RARS2: variants seen among roughly 807,000 people sequenced by gnomAD.
RARS2 encodes the protein probable arginine--tRNA ligase, mitochondrial.
In RARS2, 67 loss-of-function variants were observed where a neutral mutation model predicts 88.5. That is an observed-to-expected ratio of 0.76 (90% CI 0.62 to 0.93). The LOEUF (loss-of-function observed/expected upper bound fraction) is 0.93, where lower values mean the gene tolerates loss of function less well. RARS2 is among the 40% of genes least tolerant of loss of function. RARS2 has a pLI of 0.00. For missense variants in RARS2, 664 were observed against 684.2 expected (o/e 0.97, Z 0.33); for synonymous variants, 239 against 230.3 (o/e 1.04, Z -0.34).
chr6:87,528,327 A>G (rs2128052668), intron 10 of RARS2, among the ~76,000 whole-genome samples: 1 of 152,256 alleles, frequency 6.6e-6, no homozygotes, highest in East Asian at 1.9e-4. Context: ...ATGTTGGTAT[A>G]GCCATTATGG....
At chr6:87,552,767 T>G (rs900260729) in intron 5 of RARS2, among the ~76,000 whole-genome samples, 3 of 151,254 alleles carry the variant, frequency 2.0e-5, no homozygotes, top group Non-Finnish European at 4.4e-5. Flanking sequence ...AAAAAAAAAA[T>G]GCAAAAGAAG....
At chr6:87,562,371 A>G (rs1485050933) in intron 4 of RARS2, among the ~76,000 whole-genome samples, 1 of 152,244 alleles carries the variant, frequency 6.6e-6, no homozygotes, top group East Asian at 1.9e-4. Flanking sequence ...AAATATATCT[A>G]AACACAGAAA....
Position 87,554,871 on chromosome 6 carries a change from G to C in RARS2, c.395+537C>G, listed in dbSNP as rs1336088128. 3.3e-5 allele frequency among the ~76,000 whole-genome samples: 5 copies of C among 152,116 alleles called. No homozygotes were observed. In the East Asian group the frequency reaches 9.6e-4, roughly 29 times the overall value. Reference sequence around the variant, plus strand: ...ATCCCAGCACTTTTTGGGAGGCTGAGATGGGCAGATCACGAGGTCAGGAGA... The same window carrying C: ...ATCCCAGCACTTTTTGGGAGGCTGACATGGGCAGATCACGAGGTCAGGAGA... On this transcript the variant is annotated intron_variant, in intron 5 of 19. Transcript: ENST00000369536.
chr6:87,536,939 A>C (rs1192498539), intron 8 of RARS2, among the ~76,000 whole-genome samples: 1 of 152,238 alleles, frequency 6.6e-6, no homozygotes, highest in Non-Finnish European at 1.5e-5. Context: ...ATGGGAAAAG[A>C]ATGCTATAAG....
intron 5 of RARS2, among the ~76,000 whole-genome samples, chr6:87,550,305 G>C (rs1454847633): frequency 6.6e-6 from 1 of 152,204 alleles, no homozygotes; most frequent in Non-Finnish European, 1.5e-5. Context: ...TGTGATGTCT[G>C]AGAGAAGAGC....
At position 87,520,209 on chromosome 6, in the gene RARS2, C is replaced by T; in HGVS notation, c.1083G>A (p.Leu361=). Reference sequence around the variant, plus strand: ...CTGCCCAGTCATATCCCATGATCTTCAGCATTTGGAATACTTGCTGAAAAT... The same window carrying T: ...CTGCCCAGTCATATCCCATGATCTTTAGCATTTGGAATACTTGCTGAAAAT... The part of the protein sequence containing the change: ...KKHFQQVFQM[L]KIMGYDWAER... The change falls in exon 13 of 20, where the codon CTG becomes CTA. Residue 361 remains leucine, a synonymous_variant. Transcript: ENST00000369536. 6.2e-7 allele frequency: 1 copy of T among 1,613,574 alleles called. No individual in the cohort carries two copies. The highest frequency in any genetic ancestry group is 1.1e-5 in the South Asian group (1 of 91,066).
intron 1 of RARS2, among the ~76,000 whole-genome samples, chr6:87,581,295 G>T (rs140132682): frequency 6.5e-4 from 99 of 152,260 alleles, no homozygotes; most frequent in African/African-American, 2.3e-3. Flanking sequence ...ATCTTATGAA[G>T]ATTAGCTCTG....
At chr6:87,554,411 C>T (rs549980081) in intron 5 of RARS2, among the ~76,000 whole-genome samples, 6 of 151,492 alleles carry the variant, frequency 4.0e-5, no homozygotes, top group Non-Finnish European at 8.8e-5. Context: ...TAAAAAAATA[C>T]ATTTATTACA....
intron 12 of RARS2, among the ~76,000 whole-genome samples, chr6:87,521,198 CA>C (rs574773522): frequency 6.6e-6 from 1 of 151,956 alleles, no homozygotes; most frequent in Non-Finnish European, 1.5e-5. Context: ...AAATAAAAAA[CA>C]AAAAAACTTG....
rs989807499 is a variant in RARS2 at position 87,517,028 on chromosome 6, C to T, written c.1512-148G>A. 3.1e-6 allele frequency: 4 copies of T among 1,279,708 alleles called. No individual in the cohort carries two copies. The Admixed American group carries it at 8.3e-5, about 26-fold the overall frequency. 79.3% of individuals were successfully genotyped at this position (1,279,708 alleles called of 1,614,324 possible). Reference sequence around the variant, plus strand: ...GCGCAGTGTCTCACGTCTGTAATCCCAGCACTTTGGGAGACTGAGGTGGGT... The same window carrying T: ...GCGCAGTGTCTCACGTCTGTAATCCTAGCACTTTGGGAGACTGAGGTGGGT... On this transcript the variant is annotated intron_variant, in intron 17 of 19. Coordinates refer to ENST00000369536, the MANE Select transcript of RARS2 (RefSeq NM_020320.5).
chr6:87,560,718 G>C (rs1787578181), intron 4 of RARS2, among the ~76,000 whole-genome samples: 1 of 152,158 alleles, frequency 6.6e-6, no homozygotes, highest in African/African-American at 2.4e-5. Flanking sequence ...GACCAACATG[G>C]AGAAACTAAA....
intron 1 of RARS2, among the ~76,000 whole-genome samples, chr6:87,575,225 GCACACACACACACACACA>G (rs58168335): frequency 2.5e-3 from 290 of 114,646 alleles, no homozygotes; most frequent in Non-Finnish European, 2.9e-3. Context: ...AAAATAGAAA[GCACACACACACACACACA>G]CACACACACA....
intron 1 of RARS2, among the ~76,000 whole-genome samples, chr6:87,572,561 CT>C (rs922424680): frequency 1.3e-5 from 2 of 151,310 alleles, no homozygotes; most frequent in Non-Finnish European, 2.9e-5. Context: ...TCTTCTTCTT[CT>C]TTTTTTTTCT....
chr6:87,560,200 C>T (rs1787407252), intron 4 of RARS2, among the ~76,000 whole-genome samples: 1 of 152,168 alleles, frequency 6.6e-6, no homozygotes, highest in African/African-American at 2.4e-5. Context: ...TATTTAAACC[C>T]TTCAATGATT....
In RARS2 at chr6:87,514,011, A is replaced by G. The variant is rs1211035402; in HGVS notation, c.*402T>C. ...TCACATTTAATACAGATTCTGACACAGAATAATAGTTTAACTTTGGCTGGG... is the reference window on the plus strand; with the variant it reads ...TCACATTTAATACAGATTCTGACACGGAATAATAGTTTAACTTTGGCTGGG... On this transcript the variant is annotated 3_prime_UTR_variant, in exon 20 of 20. Transcript: ENST00000369536. Among the ~76,000 whole-genome samples the G allele has an allele frequency of 6.6e-6, 1 of 152,224 alleles. No individual in the cohort carries two copies. Among genetic ancestry groups the G allele is most frequent in the Non-Finnish European group, 1.5e-5 (1 of 68,034 alleles).
chr6:87,519,788 T>G, intron 13 of RARS2, 81 bp from the exon 14 acceptor site: 1 of 1,539,706 alleles, frequency 6.5e-7, no homozygotes, highest in Non-Finnish European at 9.0e-7. Flanking sequence ...AGAGAGTGGT[T>G]TGAACTTTAA....
intron 1 of RARS2, among the ~76,000 whole-genome samples, chr6:87,573,948 A>G (rs1770612857): frequency 6.6e-6 from 1 of 152,248 alleles, no homozygotes; most frequent in Non-Finnish European, 1.5e-5. Flanking sequence ...CTGTTTGGCA[A>G]GGCTAACTCA....
At chr6:87,558,050 G>A (rs563873992) in intron 4 of RARS2, among the ~76,000 whole-genome samples, 13 of 152,058 alleles carry the variant, frequency 8.5e-5, no homozygotes, top group Admixed American at 7.9e-4. Flanking sequence ...GGTGGTAGGC[G>A]CCTGTAACCC....
At chr6:87,584,914 A>C (rs139905585) in intron 1 of RARS2, among the ~76,000 whole-genome samples, 21 of 152,268 alleles carry the variant, frequency 1.4e-4, no homozygotes, top group African/African-American at 4.3e-4. Context: ...AAAATCAAGA[A>C]TGCTATGTCA....
Sources: allele counts gnomAD v4.1 joint callset (sites outside exome capture counted in the v4.1 genomes callset), GRCh38; gene constraint gnomAD v4.1.1; transcripts MANE v1.5; gene names NCBI Gene and HGNC (gene_info 2026-07-23, HGNC 2026-07-21).